Variants in MACROD2 observed in about 807,000 individuals in gnomAD.
The protein encoded by MACROD2 is mono-ADP ribosylhydrolase 2, also known as ADP-ribose glycohydrolase MACROD2.
MACROD2 carries 36 observed loss-of-function variants against 70.4 expected under a neutral mutation model. The ratio of observed to expected loss-of-function variants is 0.51; its 90% CI spans 0.39 to 0.68. MACROD2 has a LOEUF of 0.68. MACROD2 is among the 30% of genes least tolerant of loss of function. MACROD2 has a pLI of 0.00. For synonymous variants in MACROD2, 172 were observed against 178.8 expected, an observed-to-expected ratio of 0.96 and a Z score of 0.30; for missense variants, 496 against 538.4, an observed-to-expected ratio of 0.92 and a Z score of 0.78.
At chr20:15,429,711 A>G (rs1568801858) in intron 6 of MACROD2, among the ~76,000 whole-genome samples, 1 of 152,122 alleles carries the variant, frequency 6.6e-6, no homozygotes, top group Non-Finnish European at 1.5e-5. Context: ...CAGTTTTTAG[A>G]TTCTAGCATA....
At chr20:15,990,635 G>T (rs140587539) in intron 15 of MACROD2, among the ~76,000 whole-genome samples, 489 of 152,258 alleles carry the variant, frequency 3.2e-3, no homozygotes, top group African/African-American at 0.011. Flanking sequence ...AGAAAAAGAT[G>T]CATATGGGCA....
intron 5 of MACROD2, among the ~76,000 whole-genome samples, chr20:14,903,288 G>A (rs549900017): frequency 3.9e-5 from 6 of 152,066 alleles, no homozygotes; most frequent in East Asian, 3.9e-4. Context: ...TGATCCATCC[G>A]CCTCGGCCTC....
At chr20:14,140,746 G>A (rs1347780823) in intron 3 of MACROD2, among the ~76,000 whole-genome samples, 2 of 152,066 alleles carry the variant, frequency 1.3e-5, no homozygotes, top group East Asian at 3.9e-4. Context: ...TCATTGTCAA[G>A]CCTGGGCATA....
chr20:14,310,585 A>G (rs964161097), intron 3 of MACROD2, among the ~76,000 whole-genome samples: 7 of 152,172 alleles, frequency 4.6e-5, no homozygotes, highest in South Asian at 2.1e-4. Context: ...AGAAAAAATG[A>G]CTATCTTACT....
chr20:15,701,288 G>A (rs2050454521), intron 8 of MACROD2, among the ~76,000 whole-genome samples: 1 of 152,302 alleles, frequency 6.6e-6, no homozygotes, highest in East Asian at 1.9e-4. Flanking sequence ...TCTGGGTTTT[G>A]TATGCAATAA....
intron 3 of MACROD2, among the ~76,000 whole-genome samples, chr20:14,120,254 C>T (rs1006688573): frequency 6.8e-6 from 1 of 147,184 alleles, no homozygotes; most frequent in Non-Finnish European, 1.5e-5. Context: ...ATTTATGTGG[C>T]CAAAAAACAC....
intron 3 of MACROD2, among the ~76,000 whole-genome samples, chr20:14,425,334 TTTCTCCACCCTC>T (rs1314478923): frequency 6.6e-6 from 1 of 152,200 alleles, no homozygotes. Context: ...TATACCAGAC[TTTCTCCACCCTC>T]CAGCTTTCTT....
intron 8 of MACROD2, among the ~76,000 whole-genome samples, chr20:15,576,859 A>C (rs1187407328): frequency 6.6e-6 from 1 of 152,198 alleles, no homozygotes; most frequent in African/African-American, 2.4e-5. Flanking sequence ...ACATTGTAGT[A>C]ACACCGATAA....
intron 3 of MACROD2, among the ~76,000 whole-genome samples, chr20:14,278,326 CTT>C (rs11468549): frequency 0.012 from 1,762 of 152,296 alleles, 32 homozygotes; most frequent in African/African-American, 0.04. Flanking sequence ...TCTTTGTTCA[CTT>C]TGTTGCCAGT....
chr20:14,638,682 G>A (rs1984917221), intron 4 of MACROD2, among the ~76,000 whole-genome samples: 1 of 152,134 alleles, frequency 6.6e-6, no homozygotes, highest in Admixed American at 6.5e-5. Context: ...TGGGTGTGGT[G>A]GCTCACACCT....
intron 2 of MACROD2, among the ~76,000 whole-genome samples, chr20:14,019,238 A>G (rs965080329): frequency 1.1e-4 from 16 of 152,268 alleles, no homozygotes; most frequent in African/African-American, 3.6e-4. Flanking sequence ...GAGTTTTACT[A>G]TTACTCAAAT....
chr20:15,298,674 G>A (rs1006767774), intron 6 of MACROD2, among the ~76,000 whole-genome samples: 2 of 152,096 alleles, frequency 1.3e-5, no homozygotes, highest in Non-Finnish European at 2.9e-5. Context: ...TTTTAGGTGG[G>A]GGTCACACCA....
At chr20:14,544,320 A>T (rs1249417104) in intron 4 of MACROD2, among the ~76,000 whole-genome samples, 2 of 151,418 alleles carry the variant, frequency 1.3e-5, no homozygotes, top group Non-Finnish European at 2.9e-5. Flanking sequence ...GGGTGGCAGC[A>T]TAGTATGGTA....
intron 8 of MACROD2, among the ~76,000 whole-genome samples, chr20:15,522,707 G>A (rs11697986): frequency 0.076 from 11,526 of 152,182 alleles, 496 homozygotes; most frequent in Non-Finnish European, 0.1. Context: ...AAAATTAGTA[G>A]GGTTGGAAAA....
intron 6 of MACROD2, among the ~76,000 whole-genome samples, chr20:15,392,279 T>A (rs544579521): frequency 7.2e-5 from 11 of 152,310 alleles, no homozygotes; most frequent in African/African-American, 2.6e-4. Flanking sequence ...AATACCTAAT[T>A]ATCCACCATC....
chr20:15,416,890 G>A (rs958909059), intron 6 of MACROD2, among the ~76,000 whole-genome samples: 3 of 148,460 alleles, frequency 2.0e-5, no homozygotes, highest in Middle Eastern at 3.4e-3. Flanking sequence ...GCGACAGAGC[G>A]AGACTCCGTC....
At chr20:14,080,442 CAAAA>C (rs61598345) in intron 2 of MACROD2, among the ~76,000 whole-genome samples, 11 of 64,056 alleles carry the variant, frequency 1.7e-4, no homozygotes, top group Admixed American at 4.6e-4. Flanking sequence ...AACCCCGTCT[CAAAA>C]AAAAAAAAAA....
chr20:14,495,545 G>C (rs1469328436), intron 4 of MACROD2, among the ~76,000 whole-genome samples: 1 of 152,170 alleles, frequency 6.6e-6, no homozygotes, highest in Non-Finnish European at 1.5e-5. Context: ...CACTAAGGAG[G>C]AAGGGGAGAA....
rs1479072070 is a variant in MACROD2 at position 14,596,844 on chromosome 20, T to A, written c.302-87999T>A. Among the ~76,000 whole-genome samples, 4 of 152,296 alleles carry A rather than the reference T, an allele frequency of 2.6e-5. No individual in the cohort carries two copies. In the East Asian group the frequency reaches 7.7e-4, roughly 29 times the overall value. On this transcript the variant is annotated intron_variant, in intron 4 of 17. Transcript: ENST00000684519. ...TTTGCCTTAAGAATCAAATGAAGTA[T>A]GTTTGTACATGGGGTTTGTAATCTG...
Sources: gnomAD v4.1 joint callset for allele counts (sites outside exome capture counted in the v4.1 genomes callset) on GRCh38, gnomAD v4.1.1 for gene constraint, MANE v1.5 for transcripts, NCBI Gene and HGNC (gene_info 2026-07-23, HGNC 2026-07-21) for gene names.